The following CACNA2D1 variants were observed in gnomAD, a reference collection of about 807,000 sequenced individuals.
The protein encoded by CACNA2D1 is voltage-dependent calcium channel subunit alpha-2/delta-1.
Under a neutral mutation model 171.5 loss-of-function variants are expected in CACNA2D1, and 53 were observed. The observed-to-expected ratio is 0.31, with a 90% CI of 0.25 to 0.39. CACNA2D1 has a LOEUF of 0.39. Among genes scored for constraint, CACNA2D1 ranks in the 10% least tolerant of loss-of-function variants. The probability of loss-of-function intolerance (pLI) is 1.00; values close to 1 mark genes in which losing one functional copy is unlikely to be tolerated. For missense variants in CACNA2D1, 903 were observed against 1,299.8 expected (o/e 0.69, Z 4.69); for synonymous variants, 442 against 443.1 (o/e 1.00, Z 0.03).
intron 3 of CACNA2D1, among the ~76,000 whole-genome samples, chr7:82,183,522 A>G (rs1470381483): frequency 6.6e-6 from 1 of 152,182 alleles, no homozygotes; most frequent in Non-Finnish European, 1.5e-5. Flanking sequence ...TGACTTTGAA[A>G]ATATGGGTAG....
rs117227831 is a variant in CACNA2D1 at position 82,329,723 on chromosome 7, T to C, written c.294+5412A>G. On this transcript the variant is annotated intron_variant, in intron 3 of 38. Coordinates refer to ENST00000356860, the MANE Select transcript of CACNA2D1 (RefSeq NM_000722.4). ...AAGAATAATCCAATGATATTAGTTA[T>C]ATAATCATTGCAGGGAGCCAGTTCC... Among the ~76,000 whole-genome samples the C allele has an allele frequency of 5.1e-3, 777 of 152,286 alleles. 22 individuals carry two copies. In the East Asian group the frequency reaches 0.081, roughly 16 times the overall value.
chr7:81,969,850 G>A (rs772919804), intron 28 of CACNA2D1, 31 bp downstream of exon 28: 3 of 1,270,716 alleles, frequency 2.4e-6, no homozygotes, highest in Non-Finnish European at 3.4e-6. Flanking sequence ...TTAAAAAATT[G>A]AGAAAAGCTG....
intron 3 of CACNA2D1, among the ~76,000 whole-genome samples, chr7:82,298,065 T>A (rs1365660770): frequency 6.6e-6 from 1 of 152,186 alleles, no homozygotes; most frequent in African/African-American, 2.4e-5. Flanking sequence ...TCAAAAACTC[T>A]TCAATACAAA....
chr7:82,187,314 T>A (rs1797875581), intron 3 of CACNA2D1, among the ~76,000 whole-genome samples: 1 of 151,952 alleles, frequency 6.6e-6, no homozygotes, highest in Admixed American at 6.6e-5. Flanking sequence ...TACAGAAAAA[T>A]TTTAAATTGG....
At chr7:81,958,509 T>C (rs1793707488) in intron 38 of CACNA2D1, among the ~76,000 whole-genome samples, 1 of 151,994 alleles carries the variant, frequency 6.6e-6, no homozygotes, top group African/African-American at 2.4e-5. Flanking sequence ...TTAATATTTC[T>C]TAAGAATTTT....
chr7:82,215,738 T>C (rs1417255230), intron 3 of CACNA2D1, among the ~76,000 whole-genome samples: 1 of 152,164 alleles, frequency 6.6e-6, no homozygotes, highest in Admixed American at 6.5e-5. Flanking sequence ...ATATTTCTTA[T>C]TGACCGTGAT....
intron 1 of CACNA2D1, among the ~76,000 whole-genome samples, chr7:82,399,421 C>T (rs562942699): frequency 1.3e-5 from 2 of 150,374 alleles, no homozygotes; most frequent in East Asian, 3.9e-4. Flanking sequence ...GCCTGGACAA[C>T]AGAGCAAGAC....
rs560698646 is a variant in CACNA2D1, at chr7:82,099,696, G to A, written c.527-14796C>T. ...GATCTCCTGACCTCGTGATCCGCCC[G>A]CCTCGGCCTCCCAAAGTGCTGGGAT... is the stretch of plus-strand genomic sequence containing the variant. On this transcript the variant is annotated intron_variant, in intron 6 of 38. Coordinates refer to ENST00000356860, the MANE Select transcript of CACNA2D1 (RefSeq NM_000722.4). 1.6e-4 allele frequency among the ~76,000 whole-genome samples: 9 copies of A among 58,026 alleles called. 2 individuals carry two copies. Among genetic ancestry groups the A allele is most frequent in the East Asian group, 1.1e-3 (2 of 1,774 alleles). 38.1% of individuals were successfully genotyped at this position (58,026 alleles called of 152,430 possible).
At position 82,363,216 on chromosome 7, in the gene CACNA2D1, T is replaced by C. The variant is rs558357822; in HGVS notation, c.96-13567A>G. Among the ~76,000 whole-genome samples the C allele has an allele frequency of 4.0e-5, 6 of 151,492 alleles. No homozygotes were observed. In the South Asian group the frequency reaches 8.3e-4, roughly 21 times the overall value. On this transcript the variant is annotated intron_variant, in intron 1 of 38. Coordinates refer to ENST00000356860, the MANE Select transcript of CACNA2D1 (RefSeq NM_000722.4). Reference sequence around the variant, plus strand: ...AATTTATGCAGCTGACTTAGTTATATATGGTCATCTGACTACCATAGTTTT... The same window carrying C: ...AATTTATGCAGCTGACTTAGTTATACATGGTCATCTGACTACCATAGTTTT...
chr7:81,990,678 A>G (rs1463213036), intron 21 of CACNA2D1, among the ~76,000 whole-genome samples: 3 of 152,186 alleles, frequency 2.0e-5, no homozygotes, highest in African/African-American at 7.2e-5. Flanking sequence ...GCAAGTGTTG[A>G]AGAATGGAGA....
At chr7:81,983,385 G>A (rs1302069707) in intron 22 of CACNA2D1, 51 bp from the exon 23 acceptor site, 13 of 1,400,044 alleles carry the variant, frequency 9.3e-6, no homozygotes, top group Non-Finnish European at 1.3e-5. Flanking sequence ...AAAAAAGAGG[G>A]TAAAGCAAAG....
intron 10 of CACNA2D1, among the ~76,000 whole-genome samples, chr7:82,055,822 G>A (rs1366903707): frequency 7.0e-6 from 1 of 143,832 alleles, no homozygotes; most frequent in Non-Finnish European, 1.5e-5. Flanking sequence ...TAAATGACGA[G>A]TTAATGGGTG....
chr7:82,069,891 G>A (rs1808118813), intron 7 of CACNA2D1, among the ~76,000 whole-genome samples: 2 of 151,976 alleles, frequency 1.3e-5, no homozygotes, highest in South Asian at 2.1e-4. Flanking sequence ...ATTTTAAAAA[G>A]TAAATTTCAT....
At chr7:82,288,725 C>T (rs1342525782) in intron 3 of CACNA2D1, among the ~76,000 whole-genome samples, 1 of 152,146 alleles carries the variant, frequency 6.6e-6, no homozygotes, top group African/African-American at 2.4e-5. Context: ...AAAAGAACAG[C>T]TGCCTATGGT....
chr7:82,011,594 C>G lies in CACNA2D1; in HGVS notation c.1362+560G>C, dbSNP rs530371682. Among the ~76,000 whole-genome samples the G allele has an allele frequency of 1.7e-3, 261 of 152,154 alleles. 1 individual carries two copies. The highest frequency in any genetic ancestry group is 2.8e-3 in the Non-Finnish European group (191 of 68,004). On this transcript the variant is annotated intron_variant, in intron 15 of 38. Coordinates refer to ENST00000356860, the MANE Select transcript of CACNA2D1 (RefSeq NM_000722.4). ...TTTGATCGCCTCAATGACGTATTTCCATAAAAAGTATGAGGTTGAATCTAG... is the reference window on the plus strand; with the variant it reads ...TTTGATCGCCTCAATGACGTATTTCGATAAAAAGTATGAGGTTGAATCTAG...
chr7:82,149,796 A>AAAAAAAAGAAAAG (rs1793595273), intron 4 of CACNA2D1, among the ~76,000 whole-genome samples: 23 of 136,788 alleles, frequency 1.7e-4, no homozygotes, highest in Non-Finnish European at 2.9e-4. Flanking sequence ...ACAAACAACA[A>AAAAAAAAGAAAAG]AAAAAAAAAC....
intron 3 of CACNA2D1, among the ~76,000 whole-genome samples, chr7:82,228,763 T>G (rs187398706): frequency 6.6e-6 from 1 of 152,280 alleles, no homozygotes. Context: ...TTTATTATTA[T>G]TATTATTTTC....
intron 4 of CACNA2D1, among the ~76,000 whole-genome samples, chr7:82,139,589 G>A (rs1792106655): frequency 6.6e-6 from 1 of 152,108 alleles, no homozygotes. Flanking sequence ...TTGAAAAGGT[G>A]CATTTCAAAG....
At chr7:82,221,844 T>C (rs1169917318) in intron 3 of CACNA2D1, among the ~76,000 whole-genome samples, 1 of 151,876 alleles carries the variant, frequency 6.6e-6, no homozygotes, top group Non-Finnish European at 1.5e-5. Context: ...ATAAAATATT[T>C]TCTATAATAT....
Sources: gnomAD v4.1 joint callset for allele counts (sites outside exome capture counted in the v4.1 genomes callset) on GRCh38, gnomAD v4.1.1 for gene constraint, MANE v1.5 for transcripts, NCBI Gene and HGNC (gene_info 2026-07-23, HGNC 2026-07-21) for gene names.